TCP10L: variants seen among roughly 807,000 people sequenced by gnomAD.
TCP10L encodes the protein t-complex 10 like, also known as T-complex protein 10A homolog 1.
In TCP10L, 11 loss-of-function variants were observed where a neutral mutation model predicts 19.2. That is an observed-to-expected ratio of 0.57 (90% CI 0.36 to 0.95). The LOEUF (loss-of-function observed/expected upper bound fraction) is 0.95. Ranked by LOEUF, TCP10L falls within the 40% of genes least tolerant of loss-of-function variation. TCP10L has a pLI of 0.01. For missense variants in TCP10L, 247 were observed against 263.9 expected (o/e 0.94, Z 0.44); for synonymous variants, 96 against 97.2 (o/e 0.99, Z 0.07).
Position 32,576,851 on chromosome 21 carries a change from A to G in TCP10L, c.571T>C (p.Ser191Pro), listed in dbSNP as rs752544973. The change falls in exon 5 of 5, where the codon TCC becomes CCC. Residue 191 changes from serine to proline, a missense_variant. Transcript: ENST00000300258. ...PPQENRDKNL[S>P]RRRQDRRATP... ...GCTCTTCTGTCTTGACGTCTCCTGG[A>G]AAGATTTTTATCTCTATTTTCCTGT... The G allele has an allele frequency of 1.4e-5, 22 of 1,614,110 alleles. 2 individuals carry two copies. In the South Asian group the frequency reaches 2.1e-4, roughly 15 times the overall value.
In TCP10L at chr21:32,574,428, T is replaced by C; in HGVS notation, c.*2346A>G. The C allele has an allele frequency of 6.2e-6, 1 of 161,912 alleles. No individual in the cohort carries two copies. 10.0% of individuals were successfully genotyped at this position (161,912 alleles called of 1,614,324 possible). Reference sequence around the variant, plus strand: ...AAATAAAGAGACATTTGGAATCATCTTAATTTTCTGTTCTTGTCAAGAAGA... The same window carrying C: ...AAATAAAGAGACATTTGGAATCATCCTAATTTTCTGTTCTTGTCAAGAAGA... On this transcript the variant is annotated 3_prime_UTR_variant, in exon 5 of 5. Coordinates refer to ENST00000300258, the MANE Select transcript of TCP10L (RefSeq NM_144659.7).
At chr21:32,577,349 G>C (rs541831133) in intron 4 of TCP10L, 35 of 170,818 alleles carry the variant, frequency 2.0e-4, no homozygotes, top group Non-Finnish European at 3.6e-4. Context: ...CGTCTCACAG[G>C]AGGCTGGGCC....
At chr21:32,580,008 A>G (rs1645761299) in intron 3 of TCP10L, among the ~76,000 whole-genome samples, 1 of 152,162 alleles carries the variant, frequency 6.6e-6, no homozygotes, top group Admixed American at 6.5e-5. Context: ...AGCCATCTCC[A>G]TGGAAACAAA....
At chr21:32,585,148 A>G (rs913045168) in intron 1 of TCP10L, among the ~76,000 whole-genome samples, 9 of 152,166 alleles carry the variant, frequency 5.9e-5, no homozygotes, top group African/African-American at 1.9e-4. Context: ...GATCGGAGAA[A>G]TGCTATTTAA....
intron 3 of TCP10L, among the ~76,000 whole-genome samples, chr21:32,580,440 C>T (rs1020408092): frequency 1.9e-4 from 29 of 149,844 alleles, no homozygotes; most frequent in African/African-American, 6.9e-4. Flanking sequence ...GAACAAACCA[C>T]AGAGCAGTCT....
chr21:32,584,066 G>T (rs574564971), intron 2 of TCP10L, 95 bp downstream of exon 2: 4 of 1,491,530 alleles, frequency 2.7e-6, no homozygotes, highest in Non-Finnish European at 2.7e-6. Context: ...TTCCTACAGG[G>T]GTCCAGCAAG....
rs921868255 is a variant in TCP10L, at chr21:32,574,016, C to G, written c.*2758G>C. The G allele has an allele frequency of 6.6e-6, 1 of 152,072 alleles. No homozygotes were observed. Among genetic ancestry groups the G allele is most frequent in the African/African-American group, 2.4e-5 (1 of 41,410 alleles). 9.4% of individuals were successfully genotyped at this position (152,072 alleles called of 1,614,324 possible). On this transcript the variant is annotated 3_prime_UTR_variant, in exon 5 of 5. Coordinates refer to ENST00000300258, the MANE Select transcript of TCP10L (RefSeq NM_144659.7). The stretch of plus-strand genomic sequence containing the variant: ...ACTGAAGATGTTGAAAAGGGCAGAA[C>G]AGAATGTGGGTTTTTCTCGGGAGAA...
At chr21:32,583,312 G>A (rs1215602181) in intron 2 of TCP10L, among the ~76,000 whole-genome samples, 2 of 151,916 alleles carry the variant, frequency 1.3e-5, no homozygotes, top group East Asian at 1.9e-4. Flanking sequence ...GAAGCCGGCC[G>A]GGCGCGGTGG....
At chr21:32,581,291 G>T (rs914578649) in intron 3 of TCP10L, among the ~76,000 whole-genome samples, 20 of 152,130 alleles carry the variant, frequency 1.3e-4, no homozygotes, top group African/African-American at 4.6e-4. Flanking sequence ...TCTCCCTTCT[G>T]GCTCCCCCAT....
Position 32,576,628 on chromosome 21 carries a change from A to G in TCP10L, c.*146T>C. 1.2e-6 allele frequency: 1 copy of G among 867,140 alleles called. No homozygotes were observed. The highest frequency in any genetic ancestry group is 1.8e-6 in the Non-Finnish European group (1 of 571,214). 53.7% of individuals were successfully genotyped at this position (867,140 alleles called of 1,614,324 possible). On this transcript the variant is annotated 3_prime_UTR_variant, in exon 5 of 5. Coordinates refer to ENST00000300258, the MANE Select transcript of TCP10L (RefSeq NM_144659.7). Reference sequence around the variant, plus strand: ...GAACTTCAAGTTTTTATCTATAGAAACATAATTAGTTTAATAAATTACTAG... The same window carrying G: ...GAACTTCAAGTTTTTATCTATAGAAGCATAATTAGTTTAATAAATTACTAG...
intron 4 of TCP10L, among the ~76,000 whole-genome samples, chr21:32,577,270 A>G (rs1405781754): frequency 1.3e-5 from 2 of 152,208 alleles, no homozygotes; most frequent in Non-Finnish European, 2.9e-5. Context: ...TCAGTTATCT[A>G]TTTACTCGTA....
In TCP10L at chr21:32,576,242, G is replaced by A; in HGVS notation, c.*532C>T. 1.3e-6 allele frequency: 2 copies of A among 1,557,536 alleles called. No homozygotes were observed. Among genetic ancestry groups the A allele is most frequent in the Non-Finnish European group, 1.8e-6 (2 of 1,139,094 alleles). Reference sequence around the variant, plus strand: ...CCTCCGGCTGCTGCCATCTGCTCCTGCAGCATGGCGGCCTGGGAAGCCTGC... The same window carrying A: ...CCTCCGGCTGCTGCCATCTGCTCCTACAGCATGGCGGCCTGGGAAGCCTGC... On this transcript the variant is annotated 3_prime_UTR_variant, in exon 5 of 5. Transcript: ENST00000300258.
intron 2 of TCP10L, 30 bp downstream of exon 2, chr21:32,584,131 C>G: frequency 6.3e-7 from 1 of 1,596,698 alleles, no homozygotes; most frequent in Admixed American, 1.7e-5. Context: ...CCTGGTGGGA[C>G]TAACTCTGTC....
chr21:32,579,810 A>G (rs936029466), intron 3 of TCP10L, among the ~76,000 whole-genome samples: 30 of 152,194 alleles, frequency 2.0e-4, no homozygotes, highest in African/African-American at 6.7e-4. Flanking sequence ...AGGGAAAAAA[A>G]TCCCTGTGAG....
Position 32,578,976 on chromosome 21 carries a change from T to C in TCP10L, c.361-145A>G, listed in dbSNP as rs1021139648. The C allele has an allele frequency of 2.9e-6, 4 of 1,363,546 alleles. No homozygotes were observed. The highest frequency in any genetic ancestry group is 3.0e-5 in the African/African-American group (2 of 67,764). 84.5% of individuals were successfully genotyped at this position (1,363,546 alleles called of 1,614,324 possible). A position where few individuals can be genotyped will look rare whatever the true frequency, so the allele number is the denominator to read the frequency against. ...CTTGGACTGGGTTTTCCCCCTAATA[T>C]GTTGATAAGAACAGAAACCCTCACC... On this transcript the variant is annotated intron_variant, in intron 3 of 4. Transcript: ENST00000300258. The surrounding 1 kb of genome is among the most constrained non-coding windows in gnomAD (Gnocchi z 4.2).
chr21:32,585,326 G>A, intron 1 of TCP10L, 95 bp downstream of exon 1: 1 of 277,468 alleles, frequency 3.6e-6, no homozygotes. Context: ...CTCCTCTGAG[G>A]GGACACCCCA....
chr21:32,585,288 C>A, intron 1 of TCP10L, 133 bp downstream of exon 1: 1 of 272,002 alleles, frequency 3.7e-6, no homozygotes, highest in Non-Finnish European at 7.4e-6. Context: ...ACGGTCCTCA[C>A]AGCCCTGAGA....
intron 3 of TCP10L, among the ~76,000 whole-genome samples, chr21:32,581,791 G>A (rs1412843354): frequency 2.6e-5 from 4 of 152,162 alleles, no homozygotes; most frequent in Admixed American, 6.5e-5. Flanking sequence ...CCAGCTCTAC[G>A]TTCTCCAGCC....
At position 32,575,075 on chromosome 21, in the gene TCP10L, AG is replaced by A. The variant is rs1349857058; in HGVS notation, c.*1698del. On this transcript the variant is annotated 3_prime_UTR_variant, in exon 5 of 5. Transcript: ENST00000300258. The stretch of plus-strand genomic sequence containing the variant: ...AAGGAGCACCACAGGCTTCCAGGAG[AG>A]CCAGGAGTCAGGGGAGCTTCCCCAG... 6.6e-6 allele frequency: 1 copy of A among 152,228 alleles called. No homozygotes were observed. The highest frequency in any genetic ancestry group is 1.5e-5 in the Non-Finnish European group (1 of 68,110). The allele number at this position is 152,228 out of a possible 1,614,324, so 9.4% of individuals were successfully genotyped here.
Sources: gnomAD v4.1 joint callset for allele counts (sites outside exome capture counted in the v4.1 genomes callset) on GRCh38, gnomAD v4.1.1 for gene constraint, Gnocchi (gnomAD v3.1) non-coding constraint, MANE v1.5 for transcripts, NCBI Gene and HGNC (gene_info 2026-07-23, HGNC 2026-07-21) for gene names.